Variants in LRP5 observed in about 807,000 individuals in gnomAD.
LRP5 encodes LDL receptor related protein 5, also known as low-density lipoprotein receptor-related protein 5.
In LRP5, 62 loss-of-function variants were observed where a neutral mutation model predicts 154.1. That is an observed-to-expected ratio of 0.40 (90% CI 0.33 to 0.50). The LOEUF (loss-of-function observed/expected upper bound fraction) is 0.50. LRP5 is among the 20% of genes least tolerant of loss of function. The pLI, the probability that LRP5 is intolerant of heterozygous loss-of-function variation, is 0.55. For missense variants in LRP5, 1,915 were observed against 2,336.7 expected (o/e 0.82, Z 3.72); for synonymous variants, 966 against 1,011.5 (o/e 0.96, Z 0.85).
At chr11:68,341,809 A>C (rs1278669830) in intron 1 of LRP5, among the ~76,000 whole-genome samples, 1 of 151,248 alleles carries the variant, frequency 6.6e-6, no homozygotes, top group Non-Finnish European at 1.5e-5. Context: ...TTCACCCTGC[A>C]CCATTTCCCT....
At chr11:68,313,652 T>C (rs1251968614) in intron 1 of LRP5, among the ~76,000 whole-genome samples, 1 of 152,268 alleles carries the variant, frequency 6.6e-6, no homozygotes, top group Non-Finnish European at 1.5e-5. Flanking sequence ...CATGTGGTTT[T>C]TCAAGCAAGC....
intron 17 of LRP5, 31 bp downstream of exon 17, chr11:68,429,731 G>A (rs376782498): frequency 2.9e-5 from 47 of 1,613,578 alleles, no homozygotes; most frequent in Non-Finnish European, 3.7e-5. Flanking sequence ...CCTTTGGGGT[G>A]ATGGACAGGT....
intron 21 of LRP5, among the ~76,000 whole-genome samples, chr11:68,443,489 CA>C (rs1171623131): frequency 0.02 from 450 of 21,966 alleles, 2 homozygotes; most frequent in African/African-American, 0.053. Flanking sequence ...GACTCTGTCT[CA>C]AAAAAAAAAA....
chr11:68,398,820 G>C (rs2098651021), intron 7 of LRP5, among the ~76,000 whole-genome samples: 1 of 152,014 alleles, frequency 6.6e-6, no homozygotes, highest in Non-Finnish European at 1.5e-5. Context: ...CTGTACCCTT[G>C]ACCTCCCAGG....
At chr11:68,350,825 A>G (rs2098617726) in intron 2 of LRP5, among the ~76,000 whole-genome samples, 1 of 152,110 alleles carries the variant, frequency 6.6e-6, no homozygotes, top group Non-Finnish European at 1.5e-5. Flanking sequence ...AGAGCCCAAC[A>G]GGTTTGTGTG....
Position 68,312,770 on chromosome 11 carries a change from T to G in LRP5, c.56T>G (p.Leu19Arg). The G allele has an allele frequency of 9.2e-7, 1 of 1,091,906 alleles. No homozygotes were observed. Among genetic ancestry groups the G allele is most frequent in the Non-Finnish European group, 1.1e-6 (1 of 893,698 alleles). The allele number at this position is 1,091,906 out of a possible 1,614,324, so 67.6% of individuals were successfully genotyped here. A position where few individuals can be genotyped will look rare whatever the true frequency, so the allele number is the denominator to read the frequency against. Residue 19 changes from leucine to arginine, a missense_variant, in exon 1 of 23, where the codon CTG (leucine) becomes CGG (arginine). Coordinates refer to ENST00000294304, the MANE Select transcript of LRP5 (RefSeq NM_002335.4). ...CCGCTGCTGCTGCTGCTGCTGCTGC[T>G]GCTGGCGCTGTGCGGCTGCCCGGCC... is the stretch of plus-strand genomic sequence containing the variant. ...PWPLLLLLLL[L>R]LALCGCPAPA...
intron 1 of LRP5, among the ~76,000 whole-genome samples, chr11:68,343,239 T>C (rs1375625192): frequency 6.6e-6 from 1 of 152,148 alleles, no homozygotes; most frequent in African/African-American, 2.4e-5. Context: ...CCAAGGAAGC[T>C]AATTTAGAGT....
In LRP5 at chr11:68,430,737, C is replaced by T. The variant is rs151253223; in HGVS notation, c.3763+1037C>T. 2.9e-3 allele frequency among the ~76,000 whole-genome samples: 440 copies of T among 152,260 alleles called. 3 individuals carry two copies. The highest frequency in any genetic ancestry group is 6.8e-3 in the Middle Eastern group (2 of 294). ...TCTCCTAGTAGTTCTATCTTTTTCT[C>T]TCCTTCTACCCTTGATCCTCTTCTC... On this transcript the variant is annotated intron_variant, in intron 17 of 22. Coordinates refer to ENST00000294304, the MANE Select transcript of LRP5 (RefSeq NM_002335.4).
At chr11:68,314,199 G>A (rs545445442) in intron 1 of LRP5, among the ~76,000 whole-genome samples, 1 of 152,154 alleles carries the variant, frequency 6.6e-6, no homozygotes. Context: ...TTTTAAAGGG[G>A]GGGTTTCTAG....
intron 5 of LRP5, among the ~76,000 whole-genome samples, chr11:68,371,240 T>G (rs2098633849): frequency 6.6e-6 from 1 of 152,114 alleles, no homozygotes; most frequent in African/African-American, 2.4e-5. Context: ...CTCTGCAAAT[T>G]TGAGGTGGTT....
chr11:68,375,955 G>A (rs1329358156), intron 5 of LRP5, among the ~76,000 whole-genome samples: 4 of 152,208 alleles, frequency 2.6e-5, no homozygotes, highest in Non-Finnish European at 4.4e-5. Context: ...AGGTGGGGCC[G>A]CGTGAACTGC....
intron 6 of LRP5, among the ~76,000 whole-genome samples, 162 bp from the exon 7 acceptor site, chr11:68,389,719 G>A (rs1274186825): frequency 6.6e-6 from 1 of 152,086 alleles, no homozygotes; most frequent in East Asian, 1.9e-4. Context: ...TACCAACACC[G>A]ACATTTACGA....
intron 7 of LRP5, among the ~76,000 whole-genome samples, chr11:68,390,470 A>C (rs1170792910): frequency 6.6e-6 from 1 of 152,266 alleles, no homozygotes; most frequent in Non-Finnish European, 1.5e-5. Context: ...TAAGACAGAA[A>C]ACATGGGTGT....
intron 6 of LRP5, among the ~76,000 whole-genome samples, chr11:68,389,416 A>C (rs1006949523): frequency 1.7e-4 from 26 of 152,160 alleles, no homozygotes; most frequent in Non-Finnish European, 2.6e-4. Context: ...ACCAACACCG[A>C]CATTTACCAA....
rs1319884600 is a variant in LRP5 at position 68,427,966 on chromosome 11, TTTTATTTTTTTTATTTA to T, written c.3638-1601_3638-1585del. ...TGCTATTTTATTTTATTTTATTTTATTTTATTTTTTTTATTTATTTATTTATTTATTTATTTATTTAT... is the reference window on the plus strand; with the variant it reads ...TGCTATTTTATTTTATTTTATTTTATTTTATTTATTTATTTATTTATTTAT... On this transcript the variant is annotated intron_variant, in intron 16 of 22. Transcript: ENST00000294304. Among the ~76,000 whole-genome samples the T allele has an allele frequency of 7.8e-4, 62 of 79,070 alleles. No homozygotes were observed. The East Asian group carries it at 0.011, about 15-fold the overall frequency. The allele number at this position is 79,070 out of a possible 152,430, so 51.9% of individuals were successfully genotyped here. A position where few individuals can be genotyped will look rare whatever the true frequency, so the allele number is the denominator to read the frequency against.
intron 1 of LRP5, among the ~76,000 whole-genome samples, chr11:68,331,374 A>G (rs1383746682): frequency 6.6e-6 from 1 of 152,246 alleles, no homozygotes; most frequent in Admixed American, 6.5e-5. Context: ...GCCTTCGGCC[A>G]GTTCCCTTGT....
In LRP5 at chr11:68,439,859, C is replaced by T. The variant is rs11574426; in HGVS notation, c.4431C>T (p.His1477=). Residue 1477 remains histidine (H), a synonymous_variant, in exon 21 of 23, where the codon CAC becomes CAT. Transcript: ENST00000294304. ...RGGVPLYDRN[H]VTGASSSSSS... ...GGGTGCCCCTCTACGACCGGAACCA[C>T]GTCACAGGGGCCTCGTCCAGCAGCT... is the stretch of plus-strand genomic sequence containing the variant. The T allele has an allele frequency of 3.3e-3, 5,235 of 1,606,200 alleles. 9 individuals are homozygous for T. Among genetic ancestry groups the T allele is most frequent in the Non-Finnish European group, 4.0e-3 (4,756 of 1,177,878 alleles).
chr11:68,405,614 T>C (rs1367781724), intron 8 of LRP5, among the ~76,000 whole-genome samples: 2 of 151,966 alleles, frequency 1.3e-5, no homozygotes, highest in Admixed American at 1.3e-4. Flanking sequence ...GCTGAGAAAT[T>C]GGGCTTCTTC....
At chr11:68,313,265 A>C (rs2098590064) in intron 1 of LRP5, among the ~76,000 whole-genome samples, 1 of 151,640 alleles carries the variant, frequency 6.6e-6, no homozygotes, top group Admixed American at 6.6e-5. Context: ...CTGAAGTTGC[A>C]GCGAGAAAGT....
Sources: gnomAD v4.1 joint callset for allele counts (sites outside exome capture counted in the v4.1 genomes callset) on GRCh38, gnomAD v4.1.1 for gene constraint, MANE v1.5 for transcripts, NCBI Gene and HGNC (gene_info 2026-07-23, HGNC 2026-07-21) for gene names.